PAQR3: variants seen among roughly 807,000 people sequenced by gnomAD.
The protein encoded by PAQR3 is progestin and adipoQ receptor family member 3, also known as Raf kinase trapping to Golgi.
Under a neutral mutation model 41.7 loss-of-function variants are expected in PAQR3, and 39 were observed. The observed-to-expected ratio is 0.93, with a 90% CI of 0.72 to 1.22. The LOEUF (loss-of-function observed/expected upper bound fraction) is 1.22, where lower values mean the gene tolerates loss of function less well. Among genes scored for constraint, PAQR3 ranks in the 50% most tolerant of loss-of-function variants. The pLI, the probability that PAQR3 is intolerant of heterozygous loss-of-function variation, is 0.00. For synonymous variants in PAQR3, 140 were observed against 140.6 expected, an observed-to-expected ratio of 1.00 and a Z score of 0.03; for missense variants, 366 against 385.6, an observed-to-expected ratio of 0.95 and a Z score of 0.42.
downstream of PAQR3, among the ~76,000 whole-genome samples, chr4:78,907,045 C>T (rs1288516986): frequency 6.6e-6 from 1 of 151,986 alleles, no homozygotes; most frequent in East Asian, 1.9e-4. Context: ...GGAAAAAGTG[C>T]ATGAATCATG....
intron 3 of PAQR3, among the ~76,000 whole-genome samples, chr4:78,929,890 T>C (rs777082976): frequency 8.5e-5 from 13 of 152,174 alleles, no homozygotes; most frequent in Admixed American, 2.6e-4. Context: ...CGCAGCCATA[T>C]AGATTTAGTG....
chr4:78,894,453 C>T (rs1733598189), intron 11 of PAQR3, among the ~76,000 whole-genome samples: 1 of 152,218 alleles, frequency 6.6e-6, no homozygotes. Context: ...TGGCTTCTTT[C>T]CTTACAGCTC....
chr4:78,894,232 C>G (rs111571193), intron 11 of PAQR3, among the ~76,000 whole-genome samples: 4,357 of 152,282 alleles, frequency 0.029, 227 homozygotes, highest in African/African-American at 0.1. Flanking sequence ...TAGCTCCTAA[C>G]AAGAGAGTCA....
chr4:78,930,144 A>T, intron 3 of PAQR3, 26 bp downstream of exon 3: 1 of 1,580,442 alleles, frequency 6.3e-7, no homozygotes, highest in Non-Finnish European at 8.6e-7. Context: ...TGAAAGGTCG[A>T]ATGTAAAATG....
At chr4:78,906,778 TC>T (rs1416987723) in intron 10 of PAQR3, among the ~76,000 whole-genome samples, 1 of 152,140 alleles carries the variant, frequency 6.6e-6, no homozygotes, top group Non-Finnish European at 1.5e-5. Context: ...ATTTGGCCAT[TC>T]CCAGGACATG....
chr4:78,919,286 T>C lies in PAQR3; in HGVS notation c.*1253A>G, dbSNP rs1174419723. 1 of 984,272 alleles carries C rather than the reference T, an allele frequency of 1.0e-6. No individual in the cohort carries two copies. The highest frequency in any genetic ancestry group is 1.7e-5 in the African/African-American group (1 of 57,186). 61.0% of individuals were successfully genotyped at this position (984,272 alleles called of 1,614,324 possible). ...ATGTCAACTCATGAAGAAACTTGGGTAATATTTTATACTCCAATAAACAAT... is the reference window on the plus strand; with the variant it reads ...ATGTCAACTCATGAAGAAACTTGGGCAATATTTTATACTCCAATAAACAAT... On this transcript the variant is annotated 3_prime_UTR_variant, in exon 6 of 6. Transcript: ENST00000512733.
In PAQR3 at chr4:78,917,969, T is replaced by A. The variant is rs1307907113; in HGVS notation, c.*2570A>T. The A allele has an allele frequency of 4.1e-6, 4 of 983,870 alleles. No individual in the cohort carries two copies. In the African/African-American group the frequency reaches 7.0e-5, roughly 17 times the overall value. The allele number at this position is 983,870 out of a possible 1,614,324, so 60.9% of individuals were successfully genotyped here. A position where few individuals can be genotyped will look rare whatever the true frequency, so the allele number is the denominator to read the frequency against. On this transcript the variant is annotated 3_prime_UTR_variant, in exon 6 of 6. Transcript: ENST00000512733. Reference sequence around the variant, plus strand: ...TAGTAAACCCAGTTTATTTACATAATACATATTTTGTCATGCAGCTTACTG... The same window carrying A: ...TAGTAAACCCAGTTTATTTACATAAAACATATTTTGTCATGCAGCTTACTG...
intron 11 of PAQR3, chr4:78,888,215 A>T (rs1342947467): frequency 1.3e-5 from 2 of 152,172 alleles, no homozygotes; most frequent in African/African-American, 2.4e-5. Context: ...ACATTTATTA[A>T]AAACAGTTCC....
In PAQR3 at chr4:78,919,000, G is replaced by A; in HGVS notation, c.*1539C>T. The A allele has an allele frequency of 9.1e-6, 9 of 984,940 alleles. No homozygotes were observed. The highest frequency in any genetic ancestry group is 1.1e-5 in the Non-Finnish European group (9 of 829,676). The allele number at this position is 984,940 out of a possible 1,614,324, so 61.0% of individuals were successfully genotyped here. ...CCATCATAACGATGGGTAAGACACG[G>A]TATTCCTTTACTGAGCCTCCTGGGG... is the stretch of plus-strand genomic sequence containing the variant. On this transcript the variant is annotated 3_prime_UTR_variant, in exon 6 of 6. Transcript: ENST00000512733.
chr4:78,939,092 A>G lies in PAQR3; in HGVS notation c.133T>C (p.Tyr45His), dbSNP rs768463337. Residue 45 changes from tyrosine (Y) to histidine (H), a missense_variant, in exon 1 of 6, where the codon TAC becomes CAC. Tyr to His is a moderately conservative substitution (Grantham distance 83). Coordinates refer to ENST00000512733, the MANE Select transcript of PAQR3 (RefSeq NM_001040202.2). ...TAGGCCCGGTAGCCGTCGGTGATGT[A>G]CGGGTTGTCCTTGAGGGACCCGGGG... is the stretch of plus-strand genomic sequence containing the variant. ...QIPGSLKDNP[Y>H]ITDGYRAYLP... The G allele has an allele frequency of 9.3e-6, 15 of 1,613,266 alleles. No individual in the cohort carries two copies. The highest frequency in any genetic ancestry group is 1.3e-5 in the Non-Finnish European group (15 of 1,179,578).
Position 78,915,752 on chromosome 4 carries a change from G to A in PAQR3, c.*4787C>T, listed in dbSNP as rs1734997209. 6.6e-6 allele frequency: 1 copy of A among 151,948 alleles called. No individual in the cohort carries two copies. Among genetic ancestry groups the A allele is most frequent in the Admixed American group, 6.6e-5 (1 of 15,222 alleles). The allele number at this position is 151,948 out of a possible 1,614,324, so 9.4% of individuals were successfully genotyped here. ...TCACTCCTAGTGAGGGTTTACAAAA[G>A]CTACTAAGAGAATAAGGTAGATGAT... is the stretch of plus-strand genomic sequence containing the variant. On this transcript the variant is annotated 3_prime_UTR_variant, in exon 6 of 6. Transcript: ENST00000512733.
rs1735440987 is a variant in PAQR3, at chr4:78,919,483, G to C, written c.*1056C>G. The C allele has an allele frequency of 1.0e-6, 1 of 984,874 alleles. No homozygotes were observed. Among genetic ancestry groups the C allele is most frequent in the Admixed American group, 6.2e-5 (1 of 16,170 alleles). The allele number at this position is 984,874 out of a possible 1,614,324, so 61.0% of individuals were successfully genotyped here. A position where few individuals can be genotyped will look rare whatever the true frequency, so the allele number is the denominator to read the frequency against. On this transcript the variant is annotated 3_prime_UTR_variant, in exon 6 of 6. Transcript: ENST00000512733. The stretch of plus-strand genomic sequence containing the variant: ...AATATTAAGTGTTTATCAAGATTCT[G>C]AGTTATCAATGCAATGCTAACACAT...
At chr4:78,920,803 T>A in intron 5 of PAQR3, 122 bp from the exon 6 acceptor site, 1 of 1,065,412 alleles carries the variant, frequency 9.4e-7, no homozygotes, top group Non-Finnish European at 1.3e-6. Flanking sequence ...GCCTAGAGAC[T>A]AACTGGAAGC....
At chr4:78,921,789 T>TTTA (rs1354432916) in intron 5 of PAQR3, 1 of 984,766 alleles carries the variant, frequency 1.0e-6, no homozygotes, top group Non-Finnish European at 1.2e-6. Flanking sequence ...TTCTAAGGCA[T>TTTA]TTATATATGA....
chr4:78,890,404 G>GCACACA (rs149825379), intron 11 of PAQR3, among the ~76,000 whole-genome samples: 1,519 of 148,070 alleles, frequency 0.01, 27 homozygotes, highest in African/African-American at 0.036. Flanking sequence ...ACAATCATGC[G>GCACACA]CACACACACA....
rs1215133020 is a variant in PAQR3 at position 78,919,566 on chromosome 4, C to T, written c.*973G>A. The T allele has an allele frequency of 1.0e-6, 1 of 985,138 alleles. No individual in the cohort carries two copies. 61.0% of individuals were successfully genotyped at this position (985,138 alleles called of 1,614,324 possible). A position where few individuals can be genotyped will look rare whatever the true frequency, so the allele number is the denominator to read the frequency against. On this transcript the variant is annotated 3_prime_UTR_variant, in exon 6 of 6. Coordinates refer to ENST00000512733, the MANE Select transcript of PAQR3 (RefSeq NM_001040202.2). The stretch of plus-strand genomic sequence containing the variant: ...AGATTATTATCAAATGGGGCATCTG[C>T]ATGACTTTGTTCTAAGGCTTAAGGT...
At chr4:78,910,789 C>A (rs1021174449), downstream of PAQR3, 5 of 1,613,730 alleles carry the variant, frequency 3.1e-6, no homozygotes, top group Non-Finnish European at 4.2e-6. Context: ...TGAATCAGAT[C>A]CCCCTTCTCC....
At chr4:78,924,336 C>T (rs1384401713) in intron 4 of PAQR3, among the ~76,000 whole-genome samples, 1 of 152,126 alleles carries the variant, frequency 6.6e-6, no homozygotes, top group African/African-American at 2.4e-5. Flanking sequence ...GTTCCAATAT[C>T]CCAGATAAAT....
intron 11 of PAQR3, chr4:78,888,287 CTGGGGA>C (rs1263844914): frequency 1.3e-5 from 2 of 152,182 alleles, no homozygotes. Flanking sequence ...ACATAATTAA[CTGGGGA>C]ACATAGCTTA....
Sources: gnomAD v4.1 joint callset for allele counts (sites outside exome capture counted in the v4.1 genomes callset) on GRCh38, gnomAD v4.1.1 for gene constraint, MANE v1.5 for transcripts, NCBI Gene and HGNC (gene_info 2026-07-23, HGNC 2026-07-21) for gene names.